The following VAX2 variants were observed in gnomAD, a reference collection of about 807,000 sequenced individuals.
VAX2 encodes the protein ventral anterior homeobox 2.
A neutral mutation model predicts 12.5 loss-of-function variants in VAX2; 8 were observed. That is an observed-to-expected ratio of 0.64 (90% CI 0.37 to 1.15). The LOEUF (loss-of-function observed/expected upper bound fraction) is 1.15. VAX2 is among the 50% of genes most tolerant of loss of function. The pLI, the probability that VAX2 is intolerant of heterozygous loss-of-function variation, is 0.01. For synonymous variants in VAX2, 183 were observed against 187.6 expected (o/e 0.98, Z 0.20); for missense variants, 476 against 412.9 (o/e 1.15, Z -1.32).
chr2:70,906,151 C>T (rs140467004), intron 1 of VAX2, among the ~76,000 whole-genome samples: 39 of 152,356 alleles, frequency 2.6e-4, no homozygotes, highest in African/African-American at 3.8e-4. Flanking sequence ...AAGACACCAA[C>T]GCTGCATGGG....
At position 70,904,782 on chromosome 2, in the gene VAX2, G is replaced by A. The variant is rs1438250340; in HGVS notation, c.247+3914G>A. 6.6e-6 allele frequency among the ~76,000 whole-genome samples: 1 copy of A among 152,272 alleles called. No individual in the cohort carries two copies. Among genetic ancestry groups the A allele is most frequent in the Non-Finnish European group, 1.5e-5 (1 of 68,054 alleles). ...GGGACGCGTGAAGCCCAGGCCTCTT[G>A]CTTGGGCTGGGCGATTCCCGCCGTG... is the stretch of plus-strand genomic sequence containing the variant. On this transcript the variant is annotated intron_variant, in intron 1 of 2. Coordinates refer to ENST00000234392, the MANE Select transcript of VAX2 (RefSeq NM_012476.3). This position sits in a 1 kb window ranked among gnomAD's most constrained non-coding sequence, Gnocchi z 4.2.
intron 1 of VAX2, among the ~76,000 whole-genome samples, chr2:70,912,067 C>T (rs1553411303): frequency 1.3e-5 from 2 of 152,056 alleles, no homozygotes; most frequent in Admixed American, 1.3e-4. Flanking sequence ...TCTAATAACC[C>T]TGTCTTTCCT....
At chr2:70,921,341 G>A (rs1296971716) in intron 2 of VAX2, 56 bp downstream of exon 2, 2 of 1,492,570 alleles carry the variant, frequency 1.3e-6, no homozygotes, top group African/African-American at 1.4e-5. Flanking sequence ...GGGAACTCCT[G>A]GGGATATGAG....
intron 1 of VAX2, among the ~76,000 whole-genome samples, chr2:70,918,829 G>GAGCTGAAATTA (rs1405930139): frequency 1.4e-4 from 1 of 7,024 alleles, no homozygotes; most frequent in East Asian, 9.1e-3. Context: ...CCTGGAGGCA[G>GAGCTGAAATTA]AGCTGAAATT....
intron 1 of VAX2, among the ~76,000 whole-genome samples, chr2:70,919,900 A>G (rs563219379): frequency 3.9e-5 from 6 of 152,364 alleles, no homozygotes; most frequent in African/African-American, 1.4e-4. Context: ...TGCTTAGAAC[A>G]GTGACTGGCC....
chr2:70,903,692 G>A (rs963406483), intron 1 of VAX2, among the ~76,000 whole-genome samples: 6 of 152,198 alleles, frequency 3.9e-5, no homozygotes, highest in Admixed American at 6.5e-5. Flanking sequence ...GTTGACAGAA[G>A]GAAGGGTGTA....
At chr2:70,905,109 G>C (rs1679021668) in intron 1 of VAX2, among the ~76,000 whole-genome samples, 1 of 152,018 alleles carries the variant, frequency 6.6e-6, no homozygotes, top group African/African-American at 2.4e-5. Flanking sequence ...ACTGGGCTTG[G>C]GGAGATCGGC....
intron 1 of VAX2, among the ~76,000 whole-genome samples, chr2:70,910,790 A>C (rs34684423): frequency 0.58 from 85,036 of 146,742 alleles, 24,792 homozygotes; most frequent in East Asian, 0.67. Flanking sequence ...TCTTAAAAAA[A>C]AAAACAAAAC....
rs1298504698 is a variant in VAX2, at chr2:70,904,240, G to C, written c.247+3372G>C. Among the ~76,000 whole-genome samples, 1 of 152,180 alleles carries C rather than the reference G, an allele frequency of 6.6e-6. No homozygotes were observed. The highest frequency in any genetic ancestry group is 1.5e-5 in the Non-Finnish European group (1 of 68,032). On this transcript the variant is annotated intron_variant, in intron 1 of 2. Coordinates refer to ENST00000234392, the MANE Select transcript of VAX2 (RefSeq NM_012476.3). This position sits in a 1 kb window ranked among gnomAD's most constrained non-coding sequence, Gnocchi z 4.2. ...TTTATATTGGAAACCTTACGCCAAA[G>C]GCAGGCAGGAAGCAACCAAAGGAAC...
intron 1 of VAX2, among the ~76,000 whole-genome samples, chr2:70,907,622 C>T (rs1186050891): frequency 6.6e-6 from 1 of 152,262 alleles, no homozygotes; most frequent in Non-Finnish European, 1.5e-5. Context: ...GCTGCGGAAG[C>T]CAGGGCCGGG....
intron 2 of VAX2, among the ~76,000 whole-genome samples, chr2:70,929,460 G>C (rs2104787283): frequency 7.3e-6 from 1 of 137,124 alleles, no homozygotes; most frequent in Admixed American, 7.5e-5. Context: ...AGGCCGAGGT[G>C]GGCAGATCAC....
At chr2:70,916,342 A>G (rs1679304618) in intron 1 of VAX2, among the ~76,000 whole-genome samples, 2 of 152,268 alleles carry the variant, frequency 1.3e-5, no homozygotes, top group South Asian at 2.1e-4. Flanking sequence ...TTAATACAAT[A>G]TAATTAACTA....
chr2:70,901,642 A>G (rs1678930877), intron 1 of VAX2, among the ~76,000 whole-genome samples: 1 of 151,954 alleles, frequency 6.6e-6, no homozygotes, highest in Non-Finnish European at 1.5e-5. Context: ...CCGATTACCC[A>G]GCTCTTCCCG....
chr2:70,909,106 T>A (rs1409425502), intron 1 of VAX2, among the ~76,000 whole-genome samples: 1 of 152,208 alleles, frequency 6.6e-6, no homozygotes, highest in Non-Finnish European at 1.5e-5. Flanking sequence ...ATCCTTTGAT[T>A]TTGTTTAGGA....
rs1178115274 is a variant in VAX2, at chr2:70,904,304, A to T, written c.247+3436A>T. ...AGCCGTGGCTCAAACAGCACAGGGC[A>T]GTGGCCGAGCACCAGGCTTTTCGGT... is the stretch of plus-strand genomic sequence containing the variant. On this transcript the variant is annotated intron_variant, in intron 1 of 2. Coordinates refer to ENST00000234392, the MANE Select transcript of VAX2 (RefSeq NM_012476.3). The surrounding 1 kb of genome is among the most constrained non-coding windows in gnomAD (Gnocchi z 4.2). Among the ~76,000 whole-genome samples the T allele has an allele frequency of 4.6e-5, 7 of 152,226 alleles. No individual in the cohort carries two copies. Among genetic ancestry groups the T allele is most frequent in the African/African-American group, 1.7e-4 (7 of 41,470 alleles).
At chr2:70,921,513 G>A (rs1252589636) in intron 2 of VAX2, among the ~76,000 whole-genome samples, 1 of 152,170 alleles carries the variant, frequency 6.6e-6, no homozygotes, top group Non-Finnish European at 1.5e-5. Context: ...GATAGATCAG[G>A]CACTTTTGGA....
At chr2:70,927,468 A>G (rs1280248820) in intron 2 of VAX2, among the ~76,000 whole-genome samples, 1 of 151,168 alleles carries the variant, frequency 6.6e-6, no homozygotes, top group Admixed American at 6.6e-5. Flanking sequence ...CCAGAACAGC[A>G]CGATAGATGG....
intron 2 of VAX2, among the ~76,000 whole-genome samples, chr2:70,927,957 C>T (rs1445612475): frequency 2.6e-5 from 4 of 152,150 alleles, no homozygotes; most frequent in Admixed American, 2.0e-4. Context: ...GGCACAGCTG[C>T]GGAGGTGTGC....
rs1354269676 is a variant in VAX2 at position 70,920,998 on chromosome 2, G to A, written c.248-100G>A. On this transcript the variant is annotated intron_variant, in intron 1 of 2. Transcript: ENST00000234392. ...TCATGCAACCAGATCCAGGCCTGAG[G>A]AGCTCTGCGATAGATCACACCACCT... is the stretch of plus-strand genomic sequence containing the variant. The A allele has an allele frequency of 2.2e-6, 3 of 1,353,240 alleles. No homozygotes were observed. The African/African-American group carries it at 4.5e-5, about 20-fold the overall frequency. 83.8% of individuals were successfully genotyped at this position (1,353,240 alleles called of 1,614,324 possible).
Sources: gnomAD v4.1 joint callset for allele counts (sites outside exome capture counted in the v4.1 genomes callset) on GRCh38, gnomAD v4.1.1 for gene constraint, Gnocchi (gnomAD v3.1) non-coding constraint, MANE v1.5 for transcripts, NCBI Gene and HGNC (gene_info 2026-07-23, HGNC 2026-07-21) for gene names.